WWOX: variants seen among roughly 807,000 people sequenced by gnomAD.
The protein encoded by WWOX is WW domain containing oxidoreductase.
In WWOX, 69 loss-of-function variants were observed where a neutral mutation model predicts 46.2. That is an observed-to-expected ratio of 1.49 (90% CI 1.23 to 1.82). WWOX has a LOEUF of 1.82. WWOX is among the 40% of genes most tolerant of loss of function. The probability of loss-of-function intolerance (pLI) is 0.00; values close to 1 mark genes in which losing one functional copy is unlikely to be tolerated. For synonymous variants in WWOX, 359 were observed against 202.6 expected, an observed-to-expected ratio of 1.77 and a Z score of -6.56; for missense variants, 919 against 542.6, an observed-to-expected ratio of 1.69 and a Z score of -6.89.
intron 8 of WWOX, among the ~76,000 whole-genome samples, chr16:79,158,498 A>G (rs1474029187): frequency 2.3e-5 from 3 of 129,488 alleles, no homozygotes; most frequent in Non-Finnish European, 4.5e-5. Flanking sequence ...ACACTTACAA[A>G]TACAACTCCT....
intron 8 of WWOX, among the ~76,000 whole-genome samples, chr16:78,854,940 G>A (rs2052533100): frequency 1.3e-5 from 2 of 150,786 alleles, no homozygotes; most frequent in Admixed American, 1.3e-4. Context: ...ACTTTAAAAT[G>A]GGTTATGTGT....
At chr16:78,865,234 C>T (rs2043978211) in intron 8 of WWOX, among the ~76,000 whole-genome samples, 1 of 151,926 alleles carries the variant, frequency 6.6e-6, no homozygotes, top group African/African-American at 2.4e-5. Context: ...AGTTTTTTTT[C>T]CTTGACTTAC....
At chr16:79,194,768 T>A (rs1237622804) in intron 8 of WWOX, among the ~76,000 whole-genome samples, 1 of 152,112 alleles carries the variant, frequency 6.6e-6, no homozygotes, top group Non-Finnish European at 1.5e-5. Flanking sequence ...GATCACTGAG[T>A]TAAATAATTT....
intron 8 of WWOX, among the ~76,000 whole-genome samples, chr16:78,781,574 T>C (rs983352353): frequency 1.3e-5 from 2 of 152,172 alleles, no homozygotes; most frequent in African/African-American, 4.8e-5. Flanking sequence ...TTAAAACATG[T>C]TTATCTATCC....
At chr16:78,523,774 G>C (rs2043399053) in intron 8 of WWOX, among the ~76,000 whole-genome samples, 1 of 152,188 alleles carries the variant, frequency 6.6e-6, no homozygotes, top group South Asian at 2.1e-4. Flanking sequence ...ATTTATGAGA[G>C]CATGACCCTG....
intron 8 of WWOX, among the ~76,000 whole-genome samples, chr16:79,022,538 C>T (rs928333779): frequency 1.3e-5 from 2 of 152,098 alleles, no homozygotes; most frequent in Non-Finnish European, 2.9e-5. Flanking sequence ...GATGATTGCT[C>T]ATTCTCTTTC....
At chr16:78,996,725 A>G (rs1192616620) in intron 8 of WWOX, among the ~76,000 whole-genome samples, 1 of 152,178 alleles carries the variant, frequency 6.6e-6, no homozygotes, top group African/African-American at 2.4e-5. Flanking sequence ...TAAACAGCCC[A>G]TGAAAACAGG....
At chr16:79,080,212 C>A (rs1198633101) in intron 8 of WWOX, among the ~76,000 whole-genome samples, 1 of 152,170 alleles carries the variant, frequency 6.6e-6, no homozygotes, top group East Asian at 1.9e-4. Flanking sequence ...AGTGACACAG[C>A]CAAGCCTTGG....
chr16:79,083,318 G>C (rs141382621), intron 8 of WWOX, among the ~76,000 whole-genome samples: 1 of 152,242 alleles, frequency 6.6e-6, no homozygotes, highest in Middle Eastern at 3.4e-3. Context: ...GGTTCACCCT[G>C]ACCCCTTCCT....
At chr16:78,110,872 A>G (rs1416052176) in intron 3 of WWOX, among the ~76,000 whole-genome samples, 2 of 152,208 alleles carry the variant, frequency 1.3e-5, no homozygotes, top group African/African-American at 4.8e-5. Flanking sequence ...CACCTGCTCC[A>G]GGGACTGTAC....
At chr16:78,603,412 C>G (rs183804894) in intron 8 of WWOX, among the ~76,000 whole-genome samples, 2 of 152,114 alleles carry the variant, frequency 1.3e-5, no homozygotes, top group Non-Finnish European at 2.9e-5. Context: ...AAACTATATC[C>G]TGCTGGGTGC....
Position 78,744,906 on chromosome 16 carries a change from G to A in WWOX, c.1056+312154G>A, listed in dbSNP as rs187796029. On this transcript the variant is annotated intron_variant, in intron 8 of 8. Transcript: ENST00000566780. ...CTCTAGTTTTCCTCCAAGCTTCAAC[G>A]TTTTCTGTTTCCTCCTATGTCAGGT... Among the ~76,000 whole-genome samples, 23 of 152,254 alleles carry A rather than the reference G, an allele frequency of 1.5e-4. No homozygotes were observed. The South Asian group carries it at 1.7e-3, about 11-fold the overall frequency.
At chr16:79,150,761 C>G (rs930875574) in intron 8 of WWOX, among the ~76,000 whole-genome samples, 1 of 152,170 alleles carries the variant, frequency 6.6e-6, no homozygotes, top group African/African-American at 2.4e-5. Context: ...ACCCCTTTGG[C>G]CTCCTGGGTA....
chr16:79,171,374 A>G (rs1157629665), intron 8 of WWOX, among the ~76,000 whole-genome samples: 1 of 152,254 alleles, frequency 6.6e-6, no homozygotes, highest in African/African-American at 2.4e-5. Context: ...ACACTGAACA[A>G]ATATAATTAT....
rs142201580 is a variant in WWOX at position 78,395,036 on chromosome 16, C to G, written c.605+8088C>G. Among the ~76,000 whole-genome samples, 499 of 152,362 alleles carry G rather than the reference C, an allele frequency of 3.3e-3. 2 individuals are homozygous for G. The highest frequency in any genetic ancestry group is 0.011 in the African/African-American group (470 of 41,586). On this transcript the variant is annotated intron_variant, in intron 6 of 8. Coordinates refer to ENST00000566780, the MANE Select transcript of WWOX (RefSeq NM_016373.4). ...CCATAATGCATGAAATTACCAGACA[C>G]ATCTCACTTTATGGAGCCTGGGGCT... is the stretch of plus-strand genomic sequence containing the variant.
intron 8 of WWOX, among the ~76,000 whole-genome samples, chr16:79,002,315 C>T (rs2151364541): frequency 7.0e-6 from 1 of 142,898 alleles, no homozygotes; most frequent in Middle Eastern, 4.2e-3. Flanking sequence ...CCTCCACCTT[C>T]CAAGTTCAAG....
chr16:78,319,266 C>A (rs1273515502), intron 5 of WWOX, among the ~76,000 whole-genome samples: 2 of 151,530 alleles, frequency 1.3e-5, no homozygotes, highest in African/African-American at 4.8e-5. Context: ...AGGGAACACA[C>A]CTTGCTGATG....
intron 8 of WWOX, among the ~76,000 whole-genome samples, chr16:78,877,458 A>C (rs1335757927): frequency 1.3e-5 from 2 of 152,134 alleles, no homozygotes; most frequent in Non-Finnish European, 2.9e-5. Context: ...CTTCTCCAAA[A>C]GGCTTTGCTC....
intron 8 of WWOX, among the ~76,000 whole-genome samples, chr16:79,156,184 C>T (rs1223788997): frequency 6.6e-6 from 1 of 152,110 alleles, no homozygotes; most frequent in East Asian, 1.9e-4. Context: ...TTCTTTGAGA[C>T]AAGGTCTCAC....
Sources: allele counts gnomAD v4.1 joint callset (sites outside exome capture counted in the v4.1 genomes callset), GRCh38; gene constraint gnomAD v4.1.1; transcripts MANE v1.5; gene names NCBI Gene and HGNC (gene_info 2026-07-23, HGNC 2026-07-21).